The following TNC variants were observed in gnomAD, a reference collection of about 807,000 sequenced individuals.
TNC encodes the protein tenascin.
In TNC, 109 loss-of-function variants were observed where a neutral mutation model predicts 202.4. The ratio of observed to expected loss-of-function variants is 0.54; its 90% confidence interval spans 0.46 to 0.63. TNC has a LOEUF of 0.63. TNC is among the 30% of genes least tolerant of loss of function. TNC has a pLI of 0.00. For missense variants in TNC, 2,756 were observed against 2,833.3 expected, an observed-to-expected ratio of 0.97 and a Z score of 0.62; for synonymous variants, 1,007 against 1,089.7, an observed-to-expected ratio of 0.92 and a Z score of 1.50.
intron 1 of TNC, among the ~76,000 whole-genome samples, chr9:115,102,452 G>A (rs1330793708): frequency 1.3e-5 from 2 of 152,196 alleles, no homozygotes; most frequent in African/African-American, 4.8e-5. Flanking sequence ...CAGATGCCTT[G>A]AAGGCTTCTA....
chr9:115,045,175 C>T (rs959549580), intron 17 of TNC, among the ~76,000 whole-genome samples: 1 of 152,142 alleles, frequency 6.6e-6, no homozygotes, highest in African/African-American at 2.4e-5. Context: ...TTTTATCTCT[C>T]CTGGTGATTT....
intron 6 of TNC, among the ~76,000 whole-genome samples, chr9:115,079,100 T>C (rs1263825207): frequency 6.6e-6 from 1 of 152,166 alleles, no homozygotes; most frequent in Non-Finnish European, 1.5e-5. Flanking sequence ...CAGATTTCTG[T>C]ACAGTTTGAG....
chr9:115,034,784 A>G (rs920024954), intron 22 of TNC, among the ~76,000 whole-genome samples: 1 of 152,220 alleles, frequency 6.6e-6, no homozygotes, highest in Non-Finnish European at 1.5e-5. Flanking sequence ...TAATATAAAC[A>G]CTGGATAAAA....
intron 9 of TNC, among the ~76,000 whole-genome samples, chr9:115,074,352 G>A (rs572690071): frequency 1.7e-4 from 26 of 152,296 alleles, no homozygotes; most frequent in South Asian, 1.0e-3. Flanking sequence ...TGGGAGTGGT[G>A]CCCTTATAAA....
At chr9:115,040,856 C>A in intron 19 of TNC, 85 bp downstream of exon 19, 3 of 1,489,908 alleles carry the variant, frequency 2.0e-6, no homozygotes, top group Non-Finnish European at 2.7e-6. Flanking sequence ...AGCTACAAGG[C>A]TGAAGGTGAG....
chr9:115,033,598 C>T (rs937574371), intron 22 of TNC, among the ~76,000 whole-genome samples: 1 of 152,182 alleles, frequency 6.6e-6, no homozygotes, highest in Non-Finnish European at 1.5e-5. Flanking sequence ...TTTGCTTCAG[C>T]TCACACAGTG....
At chr9:115,082,898 C>A in intron 4 of TNC, 91 bp from the exon 5 acceptor site, 1 of 844,212 alleles carries the variant, frequency 1.2e-6, no homozygotes, top group Non-Finnish European at 2.0e-6. Context: ...GACTGGATGT[C>A]TGCAACAGTC....
intron 19 of TNC, among the ~76,000 whole-genome samples, chr9:115,039,611 G>A (rs1489058827): frequency 1.3e-5 from 2 of 152,178 alleles, no homozygotes; most frequent in Admixed American, 6.5e-5. Context: ...CAGCCCTGGC[G>A]AGGGTGGAGG....
chr9:115,116,051 C>A (rs142087400), intron 1 of TNC, among the ~76,000 whole-genome samples: 39 of 152,174 alleles, frequency 2.6e-4, no homozygotes, highest in Non-Finnish European at 4.6e-4. Flanking sequence ...GGTACTATGC[C>A]AAGTGTTTGC....
intron 16 of TNC, 72 bp downstream of exon 16, chr9:115,048,188 G>A (rs1831352165): frequency 1.3e-6 from 2 of 1,545,222 alleles, no homozygotes; most frequent in South Asian, 2.5e-5. Context: ...TTAAAGTCAT[G>A]GCGATCCGGT....
At chr9:115,022,034 G>A (rs1224467279) in intron 27 of TNC, among the ~76,000 whole-genome samples, 2 of 152,226 alleles carry the variant, frequency 1.3e-5, no homozygotes, top group Non-Finnish European at 2.9e-5. Context: ...CTGTATCTGT[G>A]TCTTGGCTTC....
intron 17 of TNC, among the ~76,000 whole-genome samples, chr9:115,045,765 C>T (rs1015171741): frequency 2.6e-5 from 4 of 151,696 alleles, no homozygotes; most frequent in African/African-American, 9.7e-5. Context: ...TCCAAGGACA[C>T]TCTAGGTGCC....
intron 21 of TNC, 94 bp from the exon 22 acceptor site, chr9:115,035,428 T>C (rs1588018652): frequency 1.5e-6 from 2 of 1,340,028 alleles, no homozygotes; most frequent in Non-Finnish European, 2.0e-6. Flanking sequence ...TCAAGTCCTT[T>C]CCCTACCACT....
intron 27 of TNC, among the ~76,000 whole-genome samples, chr9:115,021,727 G>A (rs1410157887): frequency 6.6e-6 from 1 of 152,160 alleles, no homozygotes; most frequent in African/African-American, 2.4e-5. Flanking sequence ...AGAACGAACA[G>A]CTCAACAAAA....
Position 115,020,557 on chromosome 9 carries a change from T to A in TNC, c.*600A>T, listed in dbSNP as rs541130775. Reference sequence around the variant, plus strand: ...ACTCAAAAGTACTTGTGCTTTTATTTAAAAAAAAAATACAATCAGGTACTG... The same window carrying A: ...ACTCAAAAGTACTTGTGCTTTTATTAAAAAAAAAAATACAATCAGGTACTG... On this transcript the variant is annotated 3_prime_UTR_variant, in exon 28 of 28. Coordinates refer to ENST00000350763, the MANE Select transcript of TNC (RefSeq NM_002160.4). 1,352 of 234,196 alleles carry A rather than the reference T, an allele frequency of 5.8e-3. 8 individuals are homozygous for A. Among genetic ancestry groups the A allele is most frequent in the Admixed American group, 0.01 (211 of 20,874 alleles). 14.5% of individuals were successfully genotyped at this position (234,196 alleles called of 1,614,324 possible).
intron 19 of TNC, among the ~76,000 whole-genome samples, chr9:115,038,803 C>A (rs1830523053): frequency 6.6e-6 from 1 of 152,050 alleles, no homozygotes; most frequent in African/African-American, 2.4e-5. Context: ...CTTTTCTTTT[C>A]TTTTCTCTTT....
At chr9:115,030,656 TTTTCTTATTTA>T (rs1200017712) in intron 23 of TNC, among the ~76,000 whole-genome samples, 2 of 152,164 alleles carry the variant, frequency 1.3e-5, no homozygotes, top group Non-Finnish European at 2.9e-5. Context: ...TCATGAGCTG[TTTTCTTATTTA>T]TTTCACAGCC....
At chr9:115,040,889 G>A (rs2131945494) in intron 19 of TNC, 52 bp downstream of exon 19, 1 of 1,534,716 alleles carries the variant, frequency 6.5e-7, no homozygotes, top group East Asian at 2.3e-5. Flanking sequence ...ATGCACAAGT[G>A]ACCTCTGAAA....
At chr9:115,081,361 C>G (rs1834289481) in intron 6 of TNC, among the ~76,000 whole-genome samples, 1 of 152,166 alleles carries the variant, frequency 6.6e-6, no homozygotes, top group African/African-American at 2.4e-5. Flanking sequence ...ATCTGTTTCT[C>G]TATTCCTTAA....
Sources: allele counts gnomAD v4.1 joint callset (sites outside exome capture counted in the v4.1 genomes callset), GRCh38; gene constraint gnomAD v4.1.1; transcripts MANE v1.5; gene names NCBI Gene and HGNC (gene_info 2026-07-23, HGNC 2026-07-21).